The following DGKI variants were observed in gnomAD, a reference collection of about 807,000 sequenced individuals.
DGKI encodes the protein diacylglycerol kinase iota, also known as DAG kinase iota.
A neutral mutation model predicts 147.5 loss-of-function variants in DGKI; 55 were observed. The observed-to-expected ratio is 0.37, with a 90% CI of 0.30 to 0.47. DGKI has a LOEUF of 0.47. DGKI is among the 20% of genes least tolerant of loss of function. DGKI has a pLI of 1.00. For missense variants in DGKI, 1,007 were observed against 1,323.8 expected (o/e 0.76, Z 3.71); for synonymous variants, 469 against 477.1 (o/e 0.98, Z 0.22).
intron 11 of DGKI, among the ~76,000 whole-genome samples, chr7:137,599,341 A>G (rs932995097): frequency 3.9e-5 from 6 of 152,072 alleles, no homozygotes; most frequent in South Asian, 2.1e-4. Context: ...ACATTTGTGC[A>G]GAGTCCTCAG....
chr7:137,746,121 G>C (rs1157888213), intron 1 of DGKI, among the ~76,000 whole-genome samples: 1 of 152,122 alleles, frequency 6.6e-6, no homozygotes, highest in Non-Finnish European at 1.5e-5. Flanking sequence ...AGAGATAGGG[G>C]TGTTTCTTGT....
chr7:137,683,200 C>T (rs575493693), intron 2 of DGKI, among the ~76,000 whole-genome samples: 3 of 151,830 alleles, frequency 2.0e-5, no homozygotes, highest in South Asian at 2.1e-4. Flanking sequence ...ATTTAGTTTC[C>T]GCCAAAAGAG....
chr7:137,391,323 T>C lies in DGKI; in HGVS notation c.3071A>G (p.Gln1024Arg). Residue 1024 changes from glutamine to arginine, a missense_variant, in exon 33 of 33, where the codon CAA becomes CGA. Around this residue, in one of 5 missense-constraint regions of DGKI, gnomAD observed 385 missense variants for 445.2 expected, o/e 0.86. Coordinates refer to ENST00000614521, the MANE Select transcript of DGKI (RefSeq NM_001321708.2). ...RKTDSKGKTP[Q>R]ERAQQAGDPD... is the part of the protein sequence containing the mutation. ...GTCCCCAGCCTGCTGTGCTCTTTCT[T>C]GAGGTGTCTTACCCTATACGAAAAT... 1 of 1,608,102 alleles carries C rather than the reference T, an allele frequency of 6.2e-7. No individual in the cohort carries two copies. Among genetic ancestry groups the C allele is most frequent in the Non-Finnish European group, 8.5e-7 (1 of 1,177,830 alleles).
At chr7:137,717,207 C>T (rs1239119857) in intron 1 of DGKI, among the ~76,000 whole-genome samples, 1 of 152,178 alleles carries the variant, frequency 6.6e-6, no homozygotes, top group Non-Finnish European at 1.5e-5. Flanking sequence ...AAAAGAGTGG[C>T]TTTCTTCAGT....
At chr7:137,766,556 C>A (rs1285976750) in intron 1 of DGKI, among the ~76,000 whole-genome samples, 1 of 152,186 alleles carries the variant, frequency 6.6e-6, no homozygotes, top group Non-Finnish European at 1.5e-5. Context: ...CGGAGCCCCT[C>A]AGAAAAGCTG....
chr7:137,731,101 A>C (rs1563171086), intron 1 of DGKI, among the ~76,000 whole-genome samples: 1 of 151,916 alleles, frequency 6.6e-6, no homozygotes, highest in African/African-American at 2.4e-5. Context: ...CGGGGCCTTC[A>C]CACCTGATCT....
intron 20 of DGKI, among the ~76,000 whole-genome samples, chr7:137,529,117 A>G (rs1817249873): frequency 6.6e-6 from 1 of 152,164 alleles, no homozygotes; most frequent in South Asian, 2.1e-4. Flanking sequence ...AATTTTCTGG[A>G]GATCTTCAAA....
chr7:137,846,161 T>TCTCTCTCTCTCACACACACA lies in DGKI; in HGVS notation c.401+300_401+301insTGTGTGTGTGAGAGAGAGAG. On this transcript the variant is annotated intron_variant, in intron 1 of 32. Transcript: ENST00000614521. This position sits in a 1 kb window ranked among gnomAD's most constrained non-coding sequence, Gnocchi z 4.0. ...CTCTCTCTCTCTCTCTCTCTCTCTC[T>TCTCTCTCTCTCACACACACA]CACACACACACACACACACACACAC... 9.2e-6 allele frequency among the ~76,000 whole-genome samples: 1 copy of TCTCTCTCTCTCACACACACA among 108,218 alleles called. No individual in the cohort carries two copies. Among genetic ancestry groups the TCTCTCTCTCTCACACACACA allele is most frequent in the Non-Finnish European group, 1.8e-5 (1 of 55,320 alleles). 71.0% of individuals were successfully genotyped at this position (108,218 alleles called of 152,430 possible).
chr7:137,695,533 A>G (rs954674421), intron 1 of DGKI, among the ~76,000 whole-genome samples: 1 of 152,162 alleles, frequency 6.6e-6, no homozygotes, highest in African/African-American at 2.4e-5. Context: ...CCATTTTTTT[A>G]TAATAGATGT....
chr7:137,814,856 T>C (rs1797694426), intron 1 of DGKI, among the ~76,000 whole-genome samples: 1 of 152,088 alleles, frequency 6.6e-6, no homozygotes, highest in African/African-American at 2.4e-5. Context: ...AAAAAAATGG[T>C]ACGCTGGTTT....
intron 1 of DGKI, among the ~76,000 whole-genome samples, chr7:137,776,519 T>A (rs1179971005): frequency 6.6e-6 from 1 of 152,216 alleles, no homozygotes; most frequent in Non-Finnish European, 1.5e-5. Context: ...TATTCATAGA[T>A]GCTTAGAAAA....
intron 1 of DGKI, among the ~76,000 whole-genome samples, chr7:137,743,162 G>A (rs1795229602): frequency 1.3e-5 from 2 of 152,188 alleles, no homozygotes; most frequent in South Asian, 2.1e-4. Flanking sequence ...AAAAGACTTT[G>A]ACAGACACAC....
At chr7:137,436,831 G>T (rs150030743) in intron 28 of DGKI, among the ~76,000 whole-genome samples, 1 of 150,642 alleles carries the variant, frequency 6.6e-6, no homozygotes, top group Non-Finnish European at 1.5e-5. Flanking sequence ...TCATAAATAC[G>T]ATATTGATTT....
chr7:137,734,271 G>A (rs1202752286), intron 1 of DGKI, among the ~76,000 whole-genome samples: 1 of 152,044 alleles, frequency 6.6e-6, no homozygotes, highest in African/African-American at 2.4e-5. Flanking sequence ...TCAGGGAAGA[G>A]ATGATAAAAA....
intron 1 of DGKI, among the ~76,000 whole-genome samples, chr7:137,811,100 A>G (rs1797553511): frequency 6.6e-6 from 1 of 152,210 alleles, no homozygotes; most frequent in Non-Finnish European, 1.5e-5. Flanking sequence ...TCCTGGAGCA[A>G]TGGTGTGCTA....
At chr7:137,425,742 C>T (rs1211978823) in intron 28 of DGKI, among the ~76,000 whole-genome samples, 2 of 152,092 alleles carry the variant, frequency 1.3e-5, no homozygotes, top group African/African-American at 4.8e-5. Context: ...TTGAGAACTA[C>T]GTGAAGAATC....
chr7:137,403,927 T>C lies in DGKI; in HGVS notation c.2920+3948A>G, dbSNP rs1453930571. 2.0e-5 allele frequency among the ~76,000 whole-genome samples: 3 copies of C among 152,136 alleles called. No homozygotes were observed. The East Asian group carries it at 5.8e-4, about 29-fold the overall frequency. The stretch of plus-strand genomic sequence containing the variant: ...ATCTGATGCTAATTTAAAAATACAA[T>C]GCCATAGTCTGGTATACATCCCTAA... On this transcript the variant is annotated intron_variant, in intron 30 of 32. Coordinates refer to ENST00000614521, the MANE Select transcript of DGKI (RefSeq NM_001321708.2).
intron 2 of DGKI, among the ~76,000 whole-genome samples, chr7:137,688,719 T>G (rs1357936925): frequency 6.6e-6 from 1 of 152,238 alleles, no homozygotes; most frequent in Non-Finnish European, 1.5e-5. Context: ...CATTTAATTG[T>G]TTTTAATTAT....
At chr7:137,788,074 C>T (rs1158340219) in intron 1 of DGKI, among the ~76,000 whole-genome samples, 1 of 152,132 alleles carries the variant, frequency 6.6e-6, no homozygotes, top group Non-Finnish European at 1.5e-5. Flanking sequence ...ATTTTGGTCA[C>T]ATCAACACTT....
Sources: gnomAD v4.1 joint callset for allele counts (sites outside exome capture counted in the v4.1 genomes callset) on GRCh38, gnomAD v4.1.1 for gene constraint, gnomAD v4.1.1 regional missense constraint, Gnocchi (gnomAD v3.1) non-coding constraint, MANE v1.5 for transcripts, NCBI Gene and HGNC (gene_info 2026-07-23, HGNC 2026-07-21) for gene names.